Variants in FRAS1 observed in about 807,000 individuals in gnomAD.
FRAS1 encodes extracellular matrix organizing protein FRAS1.
Under a neutral mutation model 435.2 loss-of-function variants are expected in FRAS1, and 290 were observed. The ratio of observed to expected loss-of-function variants is 0.67; its 90% confidence interval spans 0.61 to 0.73. The LOEUF (loss-of-function observed/expected upper bound fraction) is 0.73. FRAS1 is among the 30% of genes least tolerant of loss of function. The pLI, the probability that FRAS1 is intolerant of heterozygous loss-of-function variation, is 0.00. For missense variants in FRAS1, 4,860 were observed against 5,001.5 expected, an observed-to-expected ratio of 0.97 and a Z score of 0.85; for synonymous variants, 1,800 against 1,851.0, an observed-to-expected ratio of 0.97 and a Z score of 0.71.
At chr4:78,127,657 AAAC>A (rs538687247) in intron 2 of FRAS1, among the ~76,000 whole-genome samples, 2,162 of 80,832 alleles carry the variant, frequency 0.027, 22 homozygotes, top group Non-Finnish European at 0.033. Flanking sequence ...ACAAACAAAC[AAAC>A]AACAACAACA....
chr4:78,175,244 C>T (rs1416605988), intron 2 of FRAS1, among the ~76,000 whole-genome samples: 1 of 152,186 alleles, frequency 6.6e-6, no homozygotes, highest in African/African-American at 2.4e-5. Flanking sequence ...CATTAATTAA[C>T]ACATTTTCTA....
At chr4:78,438,477 G>C in intron 38 of FRAS1, 93 bp from the exon 39 acceptor site, 2 of 1,207,682 alleles carry the variant, frequency 1.7e-6, no homozygotes, top group Non-Finnish European at 2.4e-6. Context: ...TTTCCAATTA[G>C]CAGAGAGAGA....
At chr4:78,534,832 G>A (rs1187540820) in intron 71 of FRAS1, among the ~76,000 whole-genome samples, 1 of 152,182 alleles carries the variant, frequency 6.6e-6, no homozygotes, top group African/African-American at 2.4e-5. Context: ...ATAATGATTG[G>A]CAGTGTGATG....
In FRAS1 at chr4:78,059,383, A is replaced by T. The variant is rs138266956; in HGVS notation, c.76+1298A>T. ...GTGCTGCCTTCTGCACTCTTCCGGG[A>T]TGTGTGTCAAGTGTGTATAATCTCC... On this transcript the variant is annotated intron_variant, in intron 1 of 73. Coordinates refer to ENST00000512123, the MANE Select transcript of FRAS1 (RefSeq NM_025074.7). Among the ~76,000 whole-genome samples the T allele has an allele frequency of 3.2e-4, 49 of 151,920 alleles. No homozygotes were observed. In the East Asian group the frequency reaches 9.2e-3, roughly 28 times the overall value.
intron 14 of FRAS1, among the ~76,000 whole-genome samples, chr4:78,304,812 G>C (rs1339456050): frequency 2.1e-5 from 3 of 145,276 alleles, no homozygotes; most frequent in Non-Finnish European, 4.6e-5. Flanking sequence ...CAAAAAACCA[G>C]CTCCTGGATT....
At chr4:78,521,793 C>T (rs1450686368) in intron 68 of FRAS1, among the ~76,000 whole-genome samples, 163 bp downstream of exon 68, 1 of 152,108 alleles carries the variant, frequency 6.6e-6, no homozygotes, top group Admixed American at 6.5e-5. Flanking sequence ...TTTTTTGTCA[C>T]ACCGTTCAGA....
intron 1 of FRAS1, among the ~76,000 whole-genome samples, chr4:78,061,152 A>G (rs1391575612): frequency 6.6e-6 from 1 of 152,176 alleles, no homozygotes; most frequent in Non-Finnish European, 1.5e-5. Context: ...TGGCCTCTAA[A>G]TTTTATCAAA....
chr4:78,282,644 CTG>C (rs1727385808), intron 11 of FRAS1, among the ~76,000 whole-genome samples, 174 bp from the exon 12 acceptor site: 1 of 152,160 alleles, frequency 6.6e-6, no homozygotes, highest in Non-Finnish European at 1.5e-5. Flanking sequence ...AAGATAAATT[CTG>C]TGTTTTAAAT....
At chr4:78,428,670 G>C (rs1158746827) in intron 35 of FRAS1, among the ~76,000 whole-genome samples, 1 of 152,094 alleles carries the variant, frequency 6.6e-6, no homozygotes, top group East Asian at 1.9e-4. Flanking sequence ...TTCTAAAAGA[G>C]TTCATGAAAG....
intron 2 of FRAS1, among the ~76,000 whole-genome samples, chr4:78,223,173 G>T (rs1190286332): frequency 6.6e-6 from 1 of 152,150 alleles, no homozygotes; most frequent in Non-Finnish European, 1.5e-5. Flanking sequence ...ATTCCCATCA[G>T]AACTGTCAGT....
chr4:78,307,123 A>T (rs568125221), intron 14 of FRAS1, among the ~76,000 whole-genome samples: 2 of 152,018 alleles, frequency 1.3e-5, no homozygotes, highest in African/African-American at 4.8e-5. Flanking sequence ...AGTACCCGGC[A>T]CTGTGAGGTG....
intron 20 of FRAS1, among the ~76,000 whole-genome samples, chr4:78,338,815 C>T (rs1209001641): frequency 6.6e-6 from 1 of 152,200 alleles, no homozygotes; most frequent in Admixed American, 6.5e-5. Context: ...GGGCGGGGCA[C>T]AGCAAGTCAG....
chr4:78,374,290 G>T, intron 25 of FRAS1, 39 bp downstream of exon 25: 2 of 1,535,076 alleles, frequency 1.3e-6, no homozygotes, highest in Non-Finnish European at 1.8e-6. Context: ...AAAGAAGTGA[G>T]GGCAGCAAGT....
chr4:78,180,506 C>G (rs888817850), intron 2 of FRAS1, among the ~76,000 whole-genome samples: 1 of 152,070 alleles, frequency 6.6e-6, no homozygotes, highest in African/African-American at 2.4e-5. Flanking sequence ...AATTAAAAAA[C>G]ACAAATGAAG....
chr4:78,274,585 T>G (rs1429641074), intron 9 of FRAS1, among the ~76,000 whole-genome samples: 1 of 152,226 alleles, frequency 6.6e-6, no homozygotes, highest in Non-Finnish European at 1.5e-5. Context: ...CTGTAGTCAT[T>G]CAGGAGCAGG....
At chr4:78,339,289 C>T (rs191737281) in intron 20 of FRAS1, among the ~76,000 whole-genome samples, 16 of 152,192 alleles carry the variant, frequency 1.1e-4, no homozygotes, top group Admixed American at 3.3e-4. Flanking sequence ...TTGCTCCCTA[C>T]GTGGCTAAAG....
intron 39 of FRAS1, 66 bp downstream of exon 39, chr4:78,438,784 G>A (rs886728355): frequency 6.6e-7 from 1 of 1,509,248 alleles, no homozygotes; most frequent in African/African-American, 1.4e-5. Flanking sequence ...TTCAGCAACT[G>A]GTTGTAGCTC....
chr4:78,427,866 C>T (rs76623920), intron 35 of FRAS1, among the ~76,000 whole-genome samples: 2,266 of 152,296 alleles, frequency 0.015, 54 homozygotes, highest in African/African-American at 0.051. Flanking sequence ...CTGAGCAATG[C>T]TTGACTTTGC....
chr4:78,360,727 G>A (rs192021264), intron 20 of FRAS1, among the ~76,000 whole-genome samples: 2 of 152,202 alleles, frequency 1.3e-5, no homozygotes, highest in African/African-American at 4.8e-5. Context: ...GCTGGGTGAG[G>A]GGGAAGGAAT....
Sources: gnomAD v4.1 joint callset for allele counts (sites outside exome capture counted in the v4.1 genomes callset) on GRCh38, gnomAD v4.1.1 for gene constraint, MANE v1.5 for transcripts, NCBI Gene and HGNC (gene_info 2026-07-23, HGNC 2026-07-21) for gene names.